The following ST6GAL2 variants were observed in gnomAD, a reference collection of about 807,000 sequenced individuals.
The protein encoded by ST6GAL2 is ST6 beta-galactoside alpha-2,6-sialyltransferase 2.
In ST6GAL2, 24 loss-of-function variants were observed where a neutral mutation model predicts 37.5. The observed-to-expected ratio is 0.64, with a 90% CI of 0.46 to 0.90. The LOEUF (loss-of-function observed/expected upper bound fraction) is 0.90. ST6GAL2 is among the 40% of genes least tolerant of loss of function. The pLI is 0.00. For missense variants in ST6GAL2, 715 were observed against 712.7 expected (o/e 1.00, Z -0.04); for synonymous variants, 306 against 295.1 (o/e 1.04, Z -0.38).
At chr2:106,833,188 CT>C (rs35648777) in intron 3 of ST6GAL2, among the ~76,000 whole-genome samples, 35,350 of 148,364 alleles carry the variant, frequency 0.24, 4,339 homozygotes, top group East Asian at 0.5. Context: ...TTTTAAGATA[CT>C]TTTTTTTTTT....
At chr2:106,876,943 A>G (rs1678529298) in intron 1 of ST6GAL2, among the ~76,000 whole-genome samples, 1 of 152,158 alleles carries the variant, frequency 6.6e-6, no homozygotes, top group Admixed American at 6.5e-5. Flanking sequence ...GAGGCAGAAA[A>G]TGAGGAAGAG....
chr2:106,870,111 G>A (rs933313900), intron 1 of ST6GAL2, among the ~76,000 whole-genome samples: 6 of 152,040 alleles, frequency 3.9e-5, no homozygotes, highest in Non-Finnish European at 5.9e-5. Flanking sequence ...GATGGGGGGC[G>A]CTACAGTCTG....
intron 1 of ST6GAL2, among the ~76,000 whole-genome samples, chr2:106,869,577 G>A (rs1186652079): frequency 6.6e-6 from 1 of 152,192 alleles, no homozygotes; most frequent in South Asian, 2.1e-4. Flanking sequence ...GCCCCCTCCT[G>A]CTGCTGCTTT....
chr2:106,867,675 GGGCACAGTGTGGTTAGGAA>G (rs1678091330), intron 1 of ST6GAL2, among the ~76,000 whole-genome samples: 1 of 151,966 alleles, frequency 6.6e-6, no homozygotes. Flanking sequence ...TAATCTTTCA[GGGCACAGTGTGGTTAGGAA>G]CCCACCCCCA....
chr2:106,828,633 C>T (rs1030466742), intron 5 of ST6GAL2, among the ~76,000 whole-genome samples: 5 of 152,156 alleles, frequency 3.3e-5, no homozygotes, highest in Admixed American at 6.5e-5. Flanking sequence ...GAATTCATAA[C>T]CAAACCAATG....
intron 2 of ST6GAL2, chr2:106,841,343 G>A (rs1055470601): frequency 6.6e-6 from 1 of 152,190 alleles, no homozygotes; most frequent in Admixed American, 6.5e-5. Context: ...TGCAAAGAGG[G>A]AGCAACACTC....
At chr2:106,810,798 A>G (rs2104416184) in intron 5 of ST6GAL2, among the ~76,000 whole-genome samples, 1 of 152,150 alleles carries the variant, frequency 6.6e-6, no homozygotes, top group Admixed American at 6.5e-5. Flanking sequence ...AAAATATACA[A>G]AATATCAGCC....
intron 5 of ST6GAL2, 131 bp downstream of exon 5, chr2:106,829,935 A>T: frequency 1.1e-6 from 1 of 886,394 alleles, no homozygotes; most frequent in Middle Eastern, 2.3e-4. Flanking sequence ...ATCCAAAATC[A>T]GAAATACTTC....
intron 5 of ST6GAL2, among the ~76,000 whole-genome samples, chr2:106,818,814 T>C (rs1307671747): frequency 6.6e-6 from 1 of 151,888 alleles, no homozygotes; most frequent in African/African-American, 2.4e-5. Flanking sequence ...AATAGCTGTT[T>C]TGAAGAAACT....
chr2:106,882,593 G>A (rs1678799121), intron 1 of ST6GAL2, among the ~76,000 whole-genome samples: 2 of 152,172 alleles, frequency 1.3e-5, no homozygotes, highest in Non-Finnish European at 2.9e-5. Flanking sequence ...CAGTTTTGTG[G>A]AATCTCACAC....
intron 1 of ST6GAL2, among the ~76,000 whole-genome samples, chr2:106,879,333 G>A (rs924018727): frequency 1.1e-4 from 16 of 152,112 alleles, no homozygotes; most frequent in Admixed American, 7.2e-4. Context: ...TTTAACTTAC[G>A]GAAGCAATCA....
intron 5 of ST6GAL2, among the ~76,000 whole-genome samples, chr2:106,824,443 T>C (rs982792179): frequency 2.0e-5 from 3 of 152,102 alleles, no homozygotes; most frequent in Admixed American, 2.0e-4. Flanking sequence ...CCATCCTGGC[T>C]AACATGGTGA....
chr2:106,884,906 C>CATATGT (rs1553429948), intron 1 of ST6GAL2, among the ~76,000 whole-genome samples: 1 of 76,496 alleles, frequency 1.3e-5, no homozygotes, highest in Non-Finnish European at 2.3e-5. Context: ...ATTTGCAGCG[C>CATATGT]ATATATATAT....
At chr2:106,855,345 G>C (rs1045472001) in intron 1 of ST6GAL2, among the ~76,000 whole-genome samples, 5 of 152,170 alleles carry the variant, frequency 3.3e-5, no homozygotes, top group Admixed American at 1.3e-4. Context: ...GTTTTACGTG[G>C]TAAGAGCTAC....
chr2:106,815,461 T>C (rs1392251220), intron 5 of ST6GAL2, among the ~76,000 whole-genome samples: 3 of 152,200 alleles, frequency 2.0e-5, no homozygotes, highest in Non-Finnish European at 4.4e-5. Context: ...GATACACCTG[T>C]TTGATGTAAT....
At chr2:106,870,252 G>A (rs17033433) in intron 1 of ST6GAL2, among the ~76,000 whole-genome samples, 14,588 of 152,140 alleles carry the variant, frequency 0.096, 900 homozygotes, top group Admixed American at 0.12. Flanking sequence ...TGGACACCAA[G>A]AGACAGCCTT....
rs1218237939 is a variant in ST6GAL2, at chr2:106,843,028, GACCT to G, written c.943+3_943+6del. On this transcript the variant is annotated splice_donor_5th_base_variant and intron_variant, in intron 2 of 5. Transcript: ENST00000409382. ...CAGGGCGACCTGGTCCCCCCGCTGA[GACCT>G]ACCTATTTCCTCGCCCAAGGAAGAG... 10 of 1,400,930 alleles carry G rather than the reference GACCT, an allele frequency of 7.1e-6. No homozygotes were observed. The highest frequency in any genetic ancestry group is 1.8e-5 in the South Asian group (1 of 54,106). The allele number at this position is 1,400,930 out of a possible 1,614,324, so 86.8% of individuals were successfully genotyped here.
chr2:106,884,950 C>CACACACACAT (rs1678915639), intron 1 of ST6GAL2, among the ~76,000 whole-genome samples: 1 of 125,968 alleles, frequency 7.9e-6, no homozygotes, highest in African/African-American at 3.0e-5. Flanking sequence ...CACACACACA[C>CACACACACAT]ATATATACAT....
intron 1 of ST6GAL2, among the ~76,000 whole-genome samples, chr2:106,867,791 G>T (rs1678097960): frequency 6.6e-6 from 1 of 152,116 alleles, no homozygotes; most frequent in South Asian, 2.1e-4. Flanking sequence ...ACCAACTGTG[G>T]ATTAGAAGCA....
Sources: gnomAD v4.1 joint callset for allele counts (sites outside exome capture counted in the v4.1 genomes callset) on GRCh38, gnomAD v4.1.1 for gene constraint, MANE v1.5 for transcripts, NCBI Gene and HGNC (gene_info 2026-07-23, HGNC 2026-07-21) for gene names.